SHANK2: variants seen among roughly 807,000 people sequenced by gnomAD.
SHANK2 encodes SH3 and multiple ankyrin repeat domains protein 2.
In SHANK2, 43 loss-of-function variants were observed where a neutral mutation model predicts 133.7. The ratio of observed to expected loss-of-function variants is 0.32; its 90% CI spans 0.25 to 0.41. SHANK2 has a LOEUF of 0.41. Ranked by LOEUF, SHANK2 falls within the 10% of genes least tolerant of loss-of-function variation. SHANK2 has a pLI of 1.00. For synonymous variants in SHANK2, 1,017 were observed against 952.8 expected, an observed-to-expected ratio of 1.07 and a Z score of -1.24; for missense variants, 1,994 against 2,235.8, an observed-to-expected ratio of 0.89 and a Z score of 2.18.
chr11:70,644,119 C>T (rs1555007412), intron 17 of SHANK2, among the ~76,000 whole-genome samples: 1 of 152,124 alleles, frequency 6.6e-6, no homozygotes, highest in African/African-American at 2.4e-5. Context: ...AGTTAAACAA[C>T]AAAAAGTGAA....
At chr11:70,754,593 A>G (rs1477479971) in intron 14 of SHANK2, among the ~76,000 whole-genome samples, 2 of 152,252 alleles carry the variant, frequency 1.3e-5, no homozygotes, top group African/African-American at 2.4e-5. Context: ...AGCAGAGCCC[A>G]GCCTGGAACT....
rs555218781 is a variant in SHANK2 at position 71,175,551 on chromosome 11, GGAGAGAGAGAGAGA to G, written c.-12-28227_-12-28214del. Among the ~76,000 whole-genome samples, 433 of 40,664 alleles carry G rather than the reference GGAGAGAGAGAGAGA, an allele frequency of 0.011. 10 individuals carry two copies. Among genetic ancestry groups the G allele is most frequent in the African/African-American group, 0.032 (392 of 12,238 alleles). The allele number at this position is 40,664 out of a possible 152,430, so 26.7% of individuals were successfully genotyped here. ...CAGACAGACAGAGGGAGAGGGAGAG[GGAGAGAGAGAGAGA>G]GAGAGAGAGAGAGAGAGAGAGAGAG... On this transcript the variant is annotated intron_variant, in intron 2 of 25. Transcript: ENST00000601538. The surrounding 1 kb of genome is among the most constrained non-coding windows in gnomAD (Gnocchi z 4.2).
At chr11:71,139,623 T>G (rs1351237303) in intron 3 of SHANK2, among the ~76,000 whole-genome samples, 1 of 152,224 alleles carries the variant, frequency 6.6e-6, no homozygotes. Context: ...CAGTTTGTAT[T>G]GATTTTGGCA....
chr11:70,568,300 G>T (rs2059993537), intron 17 of SHANK2, among the ~76,000 whole-genome samples: 1 of 152,174 alleles, frequency 6.6e-6, no homozygotes, highest in South Asian at 2.1e-4. Flanking sequence ...CTTCGAAACC[G>T]CCCTGGAAGT....
chr11:70,852,585 C>A (rs957644470), intron 11 of SHANK2, among the ~76,000 whole-genome samples: 4 of 152,256 alleles, frequency 2.6e-5, no homozygotes, highest in African/African-American at 4.8e-5. Context: ...TGGCTCATGC[C>A]TGTAATCCCA....
intron 17 of SHANK2, among the ~76,000 whole-genome samples, chr11:70,542,136 C>T (rs1257954143): frequency 1.3e-5 from 2 of 152,198 alleles, no homozygotes; most frequent in African/African-American, 2.4e-5. Flanking sequence ...GTGAGCTGAC[C>T]GGTGGCCCTC....
chr11:70,738,237 C>G (rs1296455542), intron 14 of SHANK2, among the ~76,000 whole-genome samples: 1 of 152,272 alleles, frequency 6.6e-6, no homozygotes, highest in Non-Finnish European at 1.5e-5. Context: ...GATGCTCGAG[C>G]CTTACAACAA....
rs368199352 is a variant in SHANK2, at chr11:70,950,302, G to A, written c.1108-53735C>T. 1.1e-4 allele frequency among the ~76,000 whole-genome samples: 16 copies of A among 148,872 alleles called. 1 individual carries two copies. Among genetic ancestry groups the A allele is most frequent in the East Asian group, 4.1e-4 (2 of 4,842 alleles). On this transcript the variant is annotated intron_variant, in intron 10 of 25. Coordinates refer to ENST00000601538, the MANE Select transcript of SHANK2 (RefSeq NM_012309.5). ...AGTGATTCTCCTGCCTCAGCCTCCC[G>A]AGTAGCTGGGATTACAGGCGAGCAC... is the stretch of plus-strand genomic sequence containing the variant.
intron 2 of SHANK2, among the ~76,000 whole-genome samples, chr11:71,193,959 C>A (rs537609593): frequency 6.6e-6 from 1 of 152,306 alleles, no homozygotes; most frequent in East Asian, 1.9e-4. Flanking sequence ...AATAAGGTCA[C>A]GTTCTGAGTA....
At chr11:70,609,065 C>T (rs2060619077) in intron 17 of SHANK2, among the ~76,000 whole-genome samples, 1 of 152,232 alleles carries the variant, frequency 6.6e-6, no homozygotes, top group Non-Finnish European at 1.5e-5. Flanking sequence ...GGCAGGAGGG[C>T]CCAGCCACGT....
chr11:70,860,727 G>A (rs919713389), intron 11 of SHANK2, among the ~76,000 whole-genome samples: 16 of 152,122 alleles, frequency 1.1e-4, no homozygotes, highest in African/African-American at 3.9e-4. Context: ...AGAAATACAC[G>A]CAAGGGGCCT....
intron 17 of SHANK2, among the ~76,000 whole-genome samples, chr11:70,504,441 G>A (rs2059108074): frequency 7.7e-6 from 1 of 130,552 alleles, no homozygotes; most frequent in African/African-American, 2.5e-5. Context: ...AGGGCTGCGA[G>A]GAGCCCAGGG....
chr11:70,599,032 C>A (rs1347942329), intron 17 of SHANK2, among the ~76,000 whole-genome samples: 1 of 148,470 alleles, frequency 6.7e-6, no homozygotes, highest in Admixed American at 6.7e-5. Context: ...TTCTATTCAG[C>A]ATTTTATTGC....
chr11:70,727,234 T>C (rs1555030916), intron 14 of SHANK2, among the ~76,000 whole-genome samples: 1 of 152,256 alleles, frequency 6.6e-6, no homozygotes, highest in African/African-American at 2.4e-5. Context: ...TGGGAAACTA[T>C]GTAAAAATGC....
intron 14 of SHANK2, among the ~76,000 whole-genome samples, chr11:70,765,358 G>A (rs1018461384): frequency 2.0e-5 from 3 of 152,194 alleles, no homozygotes; most frequent in Non-Finnish European, 4.4e-5. Context: ...CAATGACTGG[G>A]AAAGAGGCAG....
chr11:70,536,727 C>T (rs2059548744), intron 17 of SHANK2, among the ~76,000 whole-genome samples: 1 of 152,212 alleles, frequency 6.6e-6, no homozygotes, highest in African/African-American at 2.4e-5. Context: ...TGCACCGTGC[C>T]ACCTTTTGTA....
intron 14 of SHANK2, among the ~76,000 whole-genome samples, chr11:70,760,194 T>C (rs1245280323): frequency 6.6e-6 from 1 of 152,252 alleles, no homozygotes; most frequent in Non-Finnish European, 1.5e-5. Context: ...GCTTTGTGAA[T>C]ATTCACAGCT....
intron 2 of SHANK2, among the ~76,000 whole-genome samples, chr11:71,168,313 C>T (rs1163315302): frequency 7.3e-6 from 1 of 136,772 alleles, no homozygotes; most frequent in Non-Finnish European, 1.6e-5. Context: ...GGATGGCGGC[C>T]GGGCAGAGAC....
intron 2 of SHANK2, among the ~76,000 whole-genome samples, chr11:71,179,240 T>C (rs1555113471): frequency 6.6e-6 from 1 of 152,210 alleles, no homozygotes; most frequent in African/African-American, 2.4e-5. Flanking sequence ...CCAAGTGTGA[T>C]TTTGATCAGG....
Sources: gnomAD v4.1 joint callset for allele counts (sites outside exome capture counted in the v4.1 genomes callset) on GRCh38, gnomAD v4.1.1 for gene constraint, Gnocchi (gnomAD v3.1) non-coding constraint, MANE v1.5 for transcripts, NCBI Gene and HGNC (gene_info 2026-07-23, HGNC 2026-07-21) for gene names.